Variants in EDARADD observed in about 807,000 individuals in gnomAD.
The protein encoded by EDARADD is ectodysplasin-A receptor-associated adapter protein.
Under a neutral mutation model 25.6 loss-of-function variants are expected in EDARADD, and 20 were observed. The ratio of observed to expected loss-of-function variants is 0.78; its 90% CI spans 0.55 to 1.14. The LOEUF (loss-of-function observed/expected upper bound fraction) is 1.14. Ranked by LOEUF, EDARADD falls within the 50% of genes most tolerant of loss-of-function variation. The pLI, the probability that EDARADD is intolerant of heterozygous loss-of-function variation, is 0.00. For synonymous variants in EDARADD, 86 were observed against 94.4 expected, an observed-to-expected ratio of 0.91 and a Z score of 0.52; for missense variants, 225 against 270.1, an observed-to-expected ratio of 0.83 and a Z score of 1.17.
Position 236,482,505 on chromosome 1 carries a change from GC to G in EDARADD, c.505del (p.Leu169SerfsTer11). The part of the protein sequence containing the change: ...RPQSPTLEFL[L>X]RNSQRTVGQL... ...CACAGAGCCCCACCTTGGAGTTCTT[GC>G]TCCGGAACAGTCAGAGGACGGTGGG... On this transcript the variant is annotated frameshift_variant, in exon 6 of 6. Transcript: ENST00000334232. LOFTEE classifies it high-confidence loss of function. The G allele has an allele frequency of 6.2e-7, 1 of 1,613,280 alleles. No individual in the cohort carries two copies. Among genetic ancestry groups the G allele is most frequent in the Non-Finnish European group, 8.5e-7 (1 of 1,179,366 alleles).
At position 236,468,291 on chromosome 1, in the gene EDARADD, C is replaced by T. The variant is rs4565703; in HGVS notation, c.265+15C>T. Reference sequence around the variant, plus strand: ...TCCTCTTCCAGGTAAATGATTGATTCTAAAGCTATCTGGGCTAATAGCTAG... The same window carrying T: ...TCCTCTTCCAGGTAAATGATTGATTTTAAAGCTATCTGGGCTAATAGCTAG... On this transcript the variant is annotated intron_variant, in intron 5 of 5. Coordinates refer to ENST00000334232, the MANE Select transcript of EDARADD (RefSeq NM_145861.4). 1.2e-6 allele frequency: 2 copies of T among 1,613,302 alleles called. No individual in the cohort carries two copies. Among genetic ancestry groups the T allele is most frequent in the Non-Finnish European group, 1.7e-6 (2 of 1,179,254 alleles).
At chr1:236,461,481 G>A (rs1024033580) in intron 4 of EDARADD, among the ~76,000 whole-genome samples, 8 of 152,154 alleles carry the variant, frequency 5.3e-5, no homozygotes, top group Non-Finnish European at 1.0e-4. Context: ...GTTTGCTTCT[G>A]GTTCTCTATT....
rs2103042956 is a variant in EDARADD, at chr1:236,482,926, G to T, written c.*277G>T. On this transcript the variant is annotated 3_prime_UTR_variant, in exon 6 of 6. Transcript: ENST00000334232. Reference sequence around the variant, plus strand: ...AGGGCCAAAGTCCTACAATCGGAATGGATTCATGCCACGTTGAAGATAAAA... The same window carrying T: ...AGGGCCAAAGTCCTACAATCGGAATTGATTCATGCCACGTTGAAGATAAAA... 1.7e-6 allele frequency: 1 copy of T among 603,938 alleles called. No homozygotes were observed. The highest frequency in any genetic ancestry group is 2.8e-5 in the East Asian group (1 of 35,682). 37.4% of individuals were successfully genotyped at this position (603,938 alleles called of 1,614,324 possible).
chr1:236,452,877 C>T (rs956560867), intron 4 of EDARADD, among the ~76,000 whole-genome samples: 1 of 152,180 alleles, frequency 6.6e-6, no homozygotes, highest in Non-Finnish European at 1.5e-5. Flanking sequence ...TAGGATGTCC[C>T]ATTACAGTCT....
At chr1:236,448,573 G>C (rs1658627639) in intron 4 of EDARADD, among the ~76,000 whole-genome samples, 2 of 152,134 alleles carry the variant, frequency 1.3e-5, no homozygotes, top group African/African-American at 4.8e-5. Flanking sequence ...AAAAGACTTA[G>C]GTTGAAATAT....
intron 4 of EDARADD, among the ~76,000 whole-genome samples, chr1:236,458,091 C>T (rs74150501): frequency 0.017 from 2,647 of 152,260 alleles, 77 homozygotes; most frequent in African/African-American, 0.059. Context: ...AGCTCTCACA[C>T]ATAGTTGAGA....
At chr1:236,452,623 C>T (rs1049792709) in intron 4 of EDARADD, among the ~76,000 whole-genome samples, 4 of 152,174 alleles carry the variant, frequency 2.6e-5, no homozygotes, top group African/African-American at 2.4e-5. Flanking sequence ...AATTAAACCT[C>T]TTTTCTTTAT....
At chr1:236,354,491 T>C (rs1011845550) in intron 3 of EDARADD, among the ~76,000 whole-genome samples, 1 of 152,154 alleles carries the variant, frequency 6.6e-6, no homozygotes, top group Non-Finnish European at 1.5e-5. Flanking sequence ...AAGACAAACC[T>C]TTAGGTTACA....
At chr1:236,454,340 G>GCA (rs1558129873) in intron 4 of EDARADD, among the ~76,000 whole-genome samples, 5 of 152,234 alleles carry the variant, frequency 3.3e-5, no homozygotes, top group African/African-American at 1.2e-4. Context: ...GAGCCACCGT[G>GCA]CCCGGCCTAG....
chr1:236,399,210 CT>C (rs1337946213), intron 1 of EDARADD, among the ~76,000 whole-genome samples: 12 of 152,130 alleles, frequency 7.9e-5, no homozygotes, highest in Non-Finnish European at 1.6e-4. Context: ...GAGACAGAAT[CT>C]CACTCTGTTG....
intron 3 of EDARADD, among the ~76,000 whole-genome samples, chr1:236,422,794 A>G (rs745806780): frequency 6.6e-6 from 1 of 152,190 alleles, no homozygotes; most frequent in African/African-American, 2.4e-5. Flanking sequence ...CAGATGGAAC[A>G]TGCCAGAGTG....
chr1:236,385,724 C>CA (rs78521779), intron 3 of EDARADD, among the ~76,000 whole-genome samples: 2 of 130,256 alleles, frequency 1.5e-5, no homozygotes, highest in African/African-American at 2.9e-5. Context: ...AACTCCATCT[C>CA]AAAAAAAAAA....
intron 1 of EDARADD, among the ~76,000 whole-genome samples, chr1:236,405,874 CTTCTTTCTTTCTTTCTTTCTTTCTTTCT>C (rs869205931): frequency 6.5e-5 from 2 of 30,924 alleles, no homozygotes; most frequent in African/African-American, 2.3e-4. Flanking sequence ...TCCTTCCTTC[CTTCTTTCTTTCTTTCTTTCTTTCTTTCT>C]TTCTTTCTTT....
chr1:236,484,627 A>G lies in EDARADD; in HGVS notation c.*1978A>G. 1 of 569,262 alleles carries G rather than the reference A, an allele frequency of 1.8e-6. No homozygotes were observed. Among genetic ancestry groups the G allele is most frequent in the Non-Finnish European group, 3.2e-6 (1 of 316,870 alleles). The allele number at this position is 569,262 out of a possible 1,614,324, so 35.3% of individuals were successfully genotyped here. A position where few individuals can be genotyped will look rare whatever the true frequency, so the allele number is the denominator to read the frequency against. On this transcript the variant is annotated 3_prime_UTR_variant, in exon 6 of 6. Transcript: ENST00000334232. This position sits in a 1 kb window ranked among gnomAD's most constrained non-coding sequence, Gnocchi z 4.1. ...CGTGGAGTTCGCACCTCTTCCTTAG[A>G]ACTTCTACAGAAGCAGGTTGCAGTG...
chr1:236,395,639 C>G lies in EDARADD; in HGVS notation c.61+1134C>G. 6.3e-7 allele frequency: 1 copy of G among 1,575,854 alleles called. No homozygotes were observed. Among genetic ancestry groups the G allele is most frequent in the Non-Finnish European group, 8.6e-7 (1 of 1,163,154 alleles). On this transcript the variant is annotated intron_variant, in intron 1 of 5. Coordinates refer to ENST00000334232, the MANE Select transcript of EDARADD (RefSeq NM_145861.4). This position sits in a 1 kb window ranked among gnomAD's most constrained non-coding sequence, Gnocchi z 6.9. ...CCCCTAACCCGCCGCCATGGCTTCA[C>G]CGGACGACCCTCTGCGCGCAGGTAA...
At position 236,482,713 on chromosome 1, in the gene EDARADD, G is replaced by A. The variant is rs1468681833; in HGVS notation, c.*64G>A. ...AAACAACCACAGGTCAAGAAGGAATGTGAATCTGTTGTTTTATAAGAGTTT... is the reference window on the plus strand; with the variant it reads ...AAACAACCACAGGTCAAGAAGGAATATGAATCTGTTGTTTTATAAGAGTTT... On this transcript the variant is annotated 3_prime_UTR_variant, in exon 6 of 6. Coordinates refer to ENST00000334232, the MANE Select transcript of EDARADD (RefSeq NM_145861.4). 6.2e-7 allele frequency: 1 copy of A among 1,601,530 alleles called. No homozygotes were observed. Among genetic ancestry groups the A allele is most frequent in the African/African-American group, 1.3e-5 (1 of 74,792 alleles).
intron 3 of EDARADD, among the ~76,000 whole-genome samples, chr1:236,363,497 A>G (rs1667078710): frequency 6.6e-6 from 1 of 151,754 alleles, no homozygotes; most frequent in African/African-American, 2.4e-5. Context: ...CAGGAGGATC[A>G]CTTGAGGCCG....
chr1:236,438,800 T>A (rs886802074), intron 4 of EDARADD, among the ~76,000 whole-genome samples: 1 of 152,136 alleles, frequency 6.6e-6, no homozygotes, highest in Non-Finnish European at 1.5e-5. Context: ...GCATCCTGCA[T>A]CGTAACGGTG....
chr1:236,449,025 G>A (rs1658638165), intron 4 of EDARADD, among the ~76,000 whole-genome samples: 1 of 152,180 alleles, frequency 6.6e-6, no homozygotes, highest in African/African-American at 2.4e-5. Context: ...GGTGCCAGCA[G>A]TGTTGGACTC....
Sources: allele counts gnomAD v4.1 joint callset (sites outside exome capture counted in the v4.1 genomes callset), GRCh38; gene constraint gnomAD v4.1.1; non-coding constraint Gnocchi (gnomAD v3.1); transcripts MANE v1.5; gene names NCBI Gene and HGNC (gene_info 2026-07-23, HGNC 2026-07-21).